GLYAT: variants seen among roughly 807,000 people sequenced by gnomAD.
The protein encoded by GLYAT is glycine-N-acyltransferase.
A neutral mutation model predicts 22.8 loss-of-function variants in GLYAT; 25 were observed. That is an observed-to-expected ratio of 1.09 (90% CI 0.80 to 1.53). The LOEUF is 1.53. Among genes scored for constraint, GLYAT ranks in the 40% most tolerant of loss-of-function variants. The pLI is 0.00. For synonymous variants in GLYAT, 140 were observed against 122.7 expected, an observed-to-expected ratio of 1.14 and a Z score of -0.93; for missense variants, 411 against 353.9, an observed-to-expected ratio of 1.16 and a Z score of -1.29.
chr11:58,720,405 G>C (rs1238888321), intron 2 of GLYAT, among the ~76,000 whole-genome samples: 1 of 151,922 alleles, frequency 6.6e-6, no homozygotes, highest in Non-Finnish European at 1.5e-5. Context: ...TGATATTCAT[G>C]ATTTAAAGTT....
intron 1 of GLYAT, among the ~76,000 whole-genome samples, chr11:58,726,433 C>A (rs776886239): frequency 2.0e-5 from 3 of 152,030 alleles, no homozygotes; most frequent in Non-Finnish European, 4.4e-5. Context: ...GGGAGGATTT[C>A]AATTCTGTCA....
chr11:58,722,203 C>T (rs1050976368), intron 2 of GLYAT, among the ~76,000 whole-genome samples: 4 of 151,958 alleles, frequency 2.6e-5, no homozygotes, highest in East Asian at 1.9e-4. Context: ...TACCAAGCAC[C>T]GATAGGAGAT....
intron 3 of GLYAT, 34 bp downstream of exon 3, chr11:58,715,282 A>G: frequency 1.1e-6 from 1 of 925,920 alleles, no homozygotes; most frequent in South Asian, 1.3e-5. Context: ...CAGCTAATAT[A>G]AATATAGAAG....
intron 4 of GLYAT, among the ~76,000 whole-genome samples, chr11:58,712,406 G>A (rs565423482): frequency 9.9e-5 from 15 of 152,250 alleles, no homozygotes; most frequent in African/African-American, 2.9e-4. Flanking sequence ...TTGGTGACCT[G>A]GGAAGTATTC....
intron 2 of GLYAT, among the ~76,000 whole-genome samples, chr11:58,722,114 C>T (rs1292452502): frequency 6.6e-6 from 1 of 151,984 alleles, no homozygotes; most frequent in Non-Finnish European, 1.5e-5. Context: ...TTGGGGAGAT[C>T]AGGGATTCTC....
intron 2 of GLYAT, among the ~76,000 whole-genome samples, chr11:58,719,194 C>T (rs757560835): frequency 6.6e-6 from 1 of 151,822 alleles, no homozygotes; most frequent in Non-Finnish European, 1.5e-5. Context: ...ATTTTAAAGT[C>T]ATTTATTTAA....
intron 3 of GLYAT, 35 bp from the exon 4 acceptor site, chr11:58,712,921 C>A: frequency 1.4e-6 from 2 of 1,415,618 alleles, no homozygotes; most frequent in Non-Finnish European, 2.0e-6. Flanking sequence ...TAAAACACAT[C>A]CTTATATTTT....
At chr11:58,724,358 C>G in intron 2 of GLYAT, 58 bp downstream of exon 2, 1 of 895,172 alleles carries the variant, frequency 1.1e-6, no homozygotes, top group Non-Finnish European at 1.8e-6. Flanking sequence ...AGTCCCTTTC[C>G]CTCCTCTTTC....
At chr11:58,724,816 A>T (rs935800511) in intron 1 of GLYAT, among the ~76,000 whole-genome samples, 1 of 151,898 alleles carries the variant, frequency 6.6e-6, no homozygotes. Context: ...GATTCTCCTG[A>T]CTCCTCTGAG....
At chr11:58,711,850 C>T (rs1286755955) in intron 4 of GLYAT, among the ~76,000 whole-genome samples, 1 of 152,214 alleles carries the variant, frequency 6.6e-6, no homozygotes, top group Non-Finnish European at 1.5e-5. Flanking sequence ...AAAGTGCCTG[C>T]CCCATTGGGG....
intron 1 of GLYAT, among the ~76,000 whole-genome samples, chr11:58,729,226 T>A (rs1256725963): frequency 1.3e-5 from 2 of 152,150 alleles, no homozygotes; most frequent in East Asian, 3.9e-4. Context: ...ACTTCAGTTC[T>A]GCCTTCTAAA....
intron 3 of GLYAT, among the ~76,000 whole-genome samples, chr11:58,713,197 C>A (rs181577437): frequency 2.5e-3 from 385 of 152,194 alleles, no homozygotes; most frequent in African/African-American, 8.5e-3. Context: ...CTATAGTCAT[C>A]CTATGTTAAA....
rs1323020557 is a variant in GLYAT, at chr11:58,727,778, T to C, written c.-15-3267A>G. On this transcript the variant is annotated intron_variant, in intron 1 of 5. Coordinates refer to ENST00000344743, the MANE Select transcript of GLYAT (RefSeq NM_201648.3). ...ATGTGACCTTCTAGGGATATTTGATTGGTAAGGGAAGAACACCTTAAGTGA... is the reference window on the plus strand; with the variant it reads ...ATGTGACCTTCTAGGGATATTTGATCGGTAAGGGAAGAACACCTTAAGTGA... Among the ~76,000 whole-genome samples the C allele has an allele frequency of 1.4e-4, 21 of 152,092 alleles. 1 individual carries two copies.
chr11:58,722,445 G>A (rs1003057295), intron 2 of GLYAT, among the ~76,000 whole-genome samples: 18 of 152,164 alleles, frequency 1.2e-4, no homozygotes, highest in Middle Eastern at 3.4e-3. Context: ...ATATATGTAA[G>A]AAGTACTTTG....
chr11:58,721,434 AT>A (rs1455586128), intron 2 of GLYAT, among the ~76,000 whole-genome samples: 1 of 152,032 alleles, frequency 6.6e-6, no homozygotes, highest in Admixed American at 6.6e-5. Context: ...TTAAAAAAAA[AT>A]CAGGTGAAAA....
Position 58,710,060 on chromosome 11 carries a change from G to A in GLYAT, c.597C>T (p.Arg199=), listed in dbSNP as rs1221362095. The A allele has an allele frequency of 1.2e-6, 2 of 1,614,060 alleles. No individual in the cohort carries two copies. The highest frequency in any genetic ancestry group is 1.7e-5 in the Admixed American group (1 of 60,006). Residue 199 remains arginine (R), a synonymous_variant, in exon 6 of 6, where the codon CGC becomes CGT. Coordinates refer to ENST00000344743, the MANE Select transcript of GLYAT (RefSeq NM_201648.3). The part of the protein sequence containing the change: ...GNERSQRFIE[R]CIQTFPTCCL... ...AGCAGGTGGGAAAGGTCTGAATGCA[G>A]CGCTCAATGAATCTCTGGCTCCTCT...
chr11:58,715,549 G>T, intron 2 of GLYAT, 126 bp from the exon 3 acceptor site: 1 of 614,900 alleles, frequency 1.6e-6, no homozygotes, highest in South Asian at 2.0e-5. Context: ...TAGCCAAATG[G>T]AGAATCTAAG....
chr11:58,725,702 A>G (rs1448430213), intron 1 of GLYAT, among the ~76,000 whole-genome samples: 2 of 152,064 alleles, frequency 1.3e-5, no homozygotes, highest in African/African-American at 2.4e-5. Flanking sequence ...GAAAAGAAGT[A>G]AAGTGCATTT....
intron 2 of GLYAT, among the ~76,000 whole-genome samples, chr11:58,719,393 T>G (rs2134488401): frequency 6.6e-6 from 1 of 152,160 alleles, no homozygotes; most frequent in East Asian, 1.9e-4. Context: ...AAGCCTCTTA[T>G]AACCTTTATT....
Sources: allele counts gnomAD v4.1 joint callset (sites outside exome capture counted in the v4.1 genomes callset), GRCh38; gene constraint gnomAD v4.1.1; transcripts MANE v1.5; gene names NCBI Gene and HGNC (gene_info 2026-07-23, HGNC 2026-07-21).